DLC1: variants seen among roughly 807,000 people sequenced by gnomAD.
The protein encoded by DLC1 is rho GTPase-activating protein 7.
A neutral mutation model predicts 140.3 loss-of-function variants in DLC1; 54 were observed. The observed-to-expected ratio is 0.38, with a 90% CI of 0.31 to 0.48. DLC1 has a LOEUF of 0.48. Among genes scored for constraint, DLC1 ranks in the 20% least tolerant of loss-of-function variants. The probability of loss-of-function intolerance (pLI) is 0.96; values close to 1 mark genes in which losing one functional copy is unlikely to be tolerated. For synonymous variants in DLC1, 986 were observed against 728.1 expected, an observed-to-expected ratio of 1.35 and a Z score of -5.70; for missense variants, 2,536 against 1,907.0, an observed-to-expected ratio of 1.33 and a Z score of -6.14.
intron 5 of DLC1, among the ~76,000 whole-genome samples, chr8:13,296,198 C>A (rs1324919069): frequency 6.6e-6 from 1 of 151,810 alleles, no homozygotes; most frequent in Non-Finnish European, 1.5e-5. Flanking sequence ...TCAAGTGATT[C>A]GCTCACCTCG....
chr8:13,562,767 A>G (rs1308807000), intron 1 of DLC1, among the ~76,000 whole-genome samples: 1 of 152,236 alleles, frequency 6.6e-6, no homozygotes, highest in Non-Finnish European at 1.5e-5. Context: ...TTGATTTCTT[A>G]TAATAGCAAA....
At chr8:13,409,652 G>T (rs369060811) in intron 2 of DLC1, among the ~76,000 whole-genome samples, 2 of 152,100 alleles carry the variant, frequency 1.3e-5, no homozygotes, top group South Asian at 2.1e-4. Flanking sequence ...CCCACTTCTT[G>T]CTGGGTATAT....
In DLC1 at chr8:13,467,793, A is replaced by G. The variant is rs142626248; in HGVS notation, c.1023+31256T>C. Among the ~76,000 whole-genome samples, 146 of 152,262 alleles carry G rather than the reference A, an allele frequency of 9.6e-4. 2 individuals are homozygous for G. In the South Asian group the frequency reaches 0.011, roughly 11 times the overall value. ...AAATACTTTTTCTGCATCTCTTCAT[A>G]TGATCATAAATTTTTTTCTCCTTTC... On this transcript the variant is annotated intron_variant, in intron 2 of 17. Transcript: ENST00000276297.
chr8:13,437,292 G>C (rs1452728285), intron 2 of DLC1, among the ~76,000 whole-genome samples: 2 of 152,206 alleles, frequency 1.3e-5, no homozygotes, highest in East Asian at 1.9e-4. Context: ...CCTGCTGCCT[G>C]ATTTTCACTA....
chr8:13,184,932 T>G (rs891336406), intron 5 of DLC1, among the ~76,000 whole-genome samples: 4 of 152,178 alleles, frequency 2.6e-5, no homozygotes, highest in African/African-American at 9.7e-5. Context: ...TGTGAGAGTC[T>G]AATGCTCTTT....
intron 4 of DLC1, among the ~76,000 whole-genome samples, chr8:13,343,523 A>G (rs1194744958): frequency 2.0e-5 from 3 of 152,222 alleles, no homozygotes; most frequent in South Asian, 2.1e-4. Flanking sequence ...AGAATGTACT[A>G]TGCTAGGTAA....
intron 1 of DLC1, among the ~76,000 whole-genome samples, chr8:13,530,570 G>A (rs774297534): frequency 2.7e-4 from 41 of 152,096 alleles, no homozygotes; most frequent in Admixed American, 5.2e-4. Flanking sequence ...ACATGCCTGC[G>A]AGTCAAAACT....
chr8:13,487,939 A>G (rs1000825741), intron 2 of DLC1, among the ~76,000 whole-genome samples: 1 of 152,228 alleles, frequency 6.6e-6, no homozygotes, highest in African/African-American at 2.4e-5. Flanking sequence ...GATATTTATG[A>G]AGTACATTTC....
chr8:13,322,273 A>G (rs938988702), intron 4 of DLC1, among the ~76,000 whole-genome samples: 2 of 152,168 alleles, frequency 1.3e-5, no homozygotes, highest in Non-Finnish European at 2.9e-5. Context: ...TGAAAGAACA[A>G]TATATCAGTT....
At chr8:13,236,055 C>T (rs1829261860) in intron 5 of DLC1, among the ~76,000 whole-genome samples, 1 of 151,550 alleles carries the variant, frequency 6.6e-6, no homozygotes, top group African/African-American at 2.4e-5. Flanking sequence ...TTTTCAAATT[C>T]TATACAAATC....
intron 2 of DLC1, among the ~76,000 whole-genome samples, chr8:13,402,882 A>G (rs996742097): frequency 6.6e-6 from 1 of 152,182 alleles, no homozygotes; most frequent in Admixed American, 6.6e-5. Context: ...ATCTAATTTT[A>G]TAGAACTCTG....
At position 13,571,650 on chromosome 8, in the gene DLC1, G is replaced by A. The variant is rs182358765; in HGVS notation, c.-126+32887C>T. 3.2e-4 allele frequency among the ~76,000 whole-genome samples: 49 copies of A among 152,292 alleles called. No homozygotes were observed. In the East Asian group the frequency reaches 4.8e-3, roughly 15 times the overall value. The stretch of plus-strand genomic sequence containing the variant: ...TGCTCCCACTTTTTGGCTATTGTGC[G>A]TAATGCTGCTATGAACACTGGCATA... On this transcript the variant is annotated intron_variant, in intron 1 of 1. Transcript: ENST00000631382.
intron 1 of DLC1, among the ~76,000 whole-genome samples, chr8:13,510,971 T>C (rs1452387424): frequency 6.6e-6 from 1 of 152,164 alleles, no homozygotes; most frequent in Non-Finnish European, 1.5e-5. Flanking sequence ...CAACCCTGGT[T>C]TTCCTTTCTT....
intron 5 of DLC1, among the ~76,000 whole-genome samples, chr8:13,154,276 G>C (rs1430135687): frequency 6.6e-6 from 1 of 152,236 alleles, no homozygotes; most frequent in Admixed American, 6.5e-5. Context: ...GGGAGACTCG[G>C]GCCTGCGGGA....
At chr8:13,492,083 G>A (rs899814251) in intron 2 of DLC1, among the ~76,000 whole-genome samples, 1 of 152,072 alleles carries the variant, frequency 6.6e-6, no homozygotes, top group Non-Finnish European at 1.5e-5. Flanking sequence ...GTCTTCTGTG[G>A]GTATAGAGAG....
intron 2 of DLC1, among the ~76,000 whole-genome samples, chr8:13,448,369 CTT>C (rs33970379): frequency 7.0e-6 from 1 of 143,806 alleles, no homozygotes; most frequent in Non-Finnish European, 1.5e-5. Flanking sequence ...TCTTCTTCTT[CTT>C]TTTTTTTTTT....
At chr8:13,222,353 C>T in intron 5 of DLC1, among the ~76,000 whole-genome samples, 1 of 152,112 alleles carries the variant, frequency 6.6e-6, no homozygotes, top group East Asian at 1.9e-4. Context: ...GGATTTTGAG[C>T]TATTCTGCTA....
intron 4 of DLC1, among the ~76,000 whole-genome samples, chr8:13,355,054 A>G (rs1329672836): frequency 1.3e-5 from 2 of 149,172 alleles, no homozygotes; most frequent in Non-Finnish European, 2.9e-5. Context: ...TATAGTCATA[A>G]TCATCTTACT....
chr8:13,379,435 A>C (rs775116812), intron 4 of DLC1, among the ~76,000 whole-genome samples: 1 of 152,210 alleles, frequency 6.6e-6, no homozygotes, highest in African/African-American at 2.4e-5. Context: ...CCTGTCTTAA[A>C]TGTGCTTATA....
Sources: allele counts gnomAD v4.1 joint callset (sites outside exome capture counted in the v4.1 genomes callset), GRCh38; gene constraint gnomAD v4.1.1; transcripts MANE v1.5; gene names NCBI Gene and HGNC (gene_info 2026-07-23, HGNC 2026-07-21).